SNX32: variants seen among roughly 807,000 people sequenced by gnomAD.
SNX32 encodes sorting nexin 32.
A neutral mutation model predicts 57.0 loss-of-function variants in SNX32; 58 were observed. The ratio of observed to expected loss-of-function variants is 1.02; its 90% CI spans 0.82 to 1.27. SNX32 has a LOEUF of 1.27. Among genes scored for constraint, SNX32 ranks in the 50% most tolerant of loss-of-function variants. The pLI is 0.00. For missense variants in SNX32, 589 were observed against 541.2 expected (o/e 1.09, Z -0.88); for synonymous variants, 262 against 220.4 (o/e 1.19, Z -1.67).
chr11:65,839,173 C>T (rs1174808705), intron 1 of SNX32, among the ~76,000 whole-genome samples: 5 of 147,608 alleles, frequency 3.4e-5, no homozygotes, highest in Non-Finnish European at 6.0e-5. Context: ...CTCAGTCTCC[C>T]GAGTAGCTGG....
intron 2 of SNX32, 25 bp from the exon 3 acceptor site, chr11:65,849,895 C>T (rs1158221014): frequency 1.3e-6 from 2 of 1,536,194 alleles, no homozygotes; most frequent in Non-Finnish European, 1.8e-6. Flanking sequence ...AGAGAGAGGA[C>T]CTCAGTTGGC....
At chr11:65,843,565 T>C (rs188847634) in intron 1 of SNX32, among the ~76,000 whole-genome samples, 45 of 152,172 alleles carry the variant, frequency 3.0e-4, no homozygotes, top group African/African-American at 9.9e-4. Context: ...AGACTCTGTC[T>C]CAAAAGAAAA....
rs201323743 is a variant in SNX32 at position 65,850,816 on chromosome 11, C to T, written c.564C>T (p.Ser188=). The T allele has an allele frequency of 3.9e-4, 632 of 1,614,022 alleles. 2 individuals are homozygous for T. Among genetic ancestry groups the T allele is most frequent in the South Asian group, 3.5e-3 (320 of 91,058 alleles). The part of the protein sequence containing the change: ...LGGFLRNIVK[S]ADEALITGMS... ...GGTTTCTGAGGAATATTGTGAAGTC[C>T]GCGGATGAAGCCCTCATCACGGGCA... is the stretch of plus-strand genomic sequence containing the variant. Residue 188 remains serine (S), a synonymous_variant, in exon 6 of 13, where the codon TCC becomes TCT. Coordinates refer to ENST00000308342, the MANE Select transcript of SNX32 (RefSeq NM_152760.3).
At chr11:65,837,747 G>A (rs371170819) in intron 1 of SNX32, among the ~76,000 whole-genome samples, 23 of 139,426 alleles carry the variant, frequency 1.6e-4, no homozygotes, top group East Asian at 1.1e-3. Context: ...TTGAGCCCGG[G>A]AGATGGAGGT....
At chr11:65,842,533 A>G (rs930547545) in intron 1 of SNX32, among the ~76,000 whole-genome samples, 1 of 152,090 alleles carries the variant, frequency 6.6e-6, no homozygotes, top group African/African-American at 2.4e-5. Context: ...CACGCCTGTA[A>G]TCCCAGCTAC....
At chr11:65,853,191 TG>T in intron 12 of SNX32, 90 bp from the exon 13 acceptor site, 2 of 1,547,700 alleles carry the variant, frequency 1.3e-6, no homozygotes, top group South Asian at 2.2e-5. Context: ...AGAGCAGGGG[TG>T]TGGGGAGCGA....
At chr11:65,845,897 A>C (rs1448086111) in intron 1 of SNX32, among the ~76,000 whole-genome samples, 1 of 152,226 alleles carries the variant, frequency 6.6e-6, no homozygotes, top group Non-Finnish European at 1.5e-5. Flanking sequence ...TCCACTCAAC[A>C]ACGTAGAGAG....
At chr11:65,840,611 T>C (rs983220053) in intron 1 of SNX32, among the ~76,000 whole-genome samples, 2 of 152,058 alleles carry the variant, frequency 1.3e-5, no homozygotes, top group Admixed American at 1.3e-4. Flanking sequence ...GAGACCAACC[T>C]GGGCAACATA....
At chr11:65,844,692 C>T (rs377237441) in intron 1 of SNX32, among the ~76,000 whole-genome samples, 1 of 152,106 alleles carries the variant, frequency 6.6e-6, no homozygotes, top group East Asian at 1.9e-4. Context: ...GACGGCTGGG[C>T]GTGGTGGCTC....
intron 1 of SNX32, among the ~76,000 whole-genome samples, chr11:65,836,022 T>C (rs1422921901): frequency 1.3e-5 from 2 of 152,134 alleles, no homozygotes; most frequent in African/African-American, 4.8e-5. Flanking sequence ...GGGTTAGCTA[T>C]TATATTATTA....
intron 1 of SNX32, among the ~76,000 whole-genome samples, chr11:65,846,639 G>A (rs1204838839): frequency 6.6e-6 from 1 of 151,998 alleles, no homozygotes; most frequent in Admixed American, 6.6e-5. Flanking sequence ...GTTCTGGGGT[G>A]GGAGATAATT....
At chr11:65,842,178 T>C (rs930557012) in intron 1 of SNX32, among the ~76,000 whole-genome samples, 5 of 152,216 alleles carry the variant, frequency 3.3e-5, no homozygotes, top group African/African-American at 1.2e-4. Flanking sequence ...GATAAACATT[T>C]AGACCAATGG....
chr11:65,848,517 C>T (rs1397871069), intron 1 of SNX32, among the ~76,000 whole-genome samples: 1 of 152,004 alleles, frequency 6.6e-6, no homozygotes, highest in Admixed American at 6.6e-5. Context: ...CTGCAGTGAG[C>T]TATGATGGCA....
At chr11:65,838,138 G>A (rs115442504) in intron 1 of SNX32, among the ~76,000 whole-genome samples, 2,581 of 151,254 alleles carry the variant, frequency 0.017, 76 homozygotes, top group African/African-American at 0.059. Flanking sequence ...CCTGGGTGAC[G>A]GGAGTGAAAC....
chr11:65,834,124 C>T, intron 1 of SNX32, 23 bp downstream of exon 1: 2 of 1,550,212 alleles, frequency 1.3e-6, no homozygotes, highest in Middle Eastern at 1.7e-4. Context: ...TGAAGACCCC[C>T]ACCCCAGCCT....
intron 1 of SNX32, among the ~76,000 whole-genome samples, chr11:65,844,449 AAT>A (rs1491079777): frequency 8.6e-5 from 13 of 151,926 alleles, no homozygotes; most frequent in African/African-American, 2.9e-4. Context: ...AAAAAAAAAA[AAT>A]AATAAATAGA....
At chr11:65,841,904 A>G (rs1858852759) in intron 1 of SNX32, among the ~76,000 whole-genome samples, 1 of 152,104 alleles carries the variant, frequency 6.6e-6, no homozygotes. Context: ...TTAGATTGGA[A>G]GATTAAAAAT....
intron 6 of SNX32, 52 bp downstream of exon 6, chr11:65,850,907 C>G (rs1169055404): frequency 1.9e-6 from 3 of 1,554,774 alleles, no homozygotes; most frequent in Non-Finnish European, 2.7e-6. Flanking sequence ...AAGTCCACAG[C>G]ACAGATTGAG....
chr11:65,850,301 C>T (rs2134698917), intron 4 of SNX32, 30 bp downstream of exon 4: 1 of 1,614,068 alleles, frequency 6.2e-7, no homozygotes, highest in Admixed American at 1.7e-5. Context: ...CCTGCCATCC[C>T]CAGAGTCCAG....
Sources: allele counts gnomAD v4.1 joint callset (sites outside exome capture counted in the v4.1 genomes callset), GRCh38; gene constraint gnomAD v4.1.1; transcripts MANE v1.5; gene names NCBI Gene and HGNC (gene_info 2026-07-23, HGNC 2026-07-21).